Variants in SPAG16 observed in about 807,000 individuals in gnomAD.
The protein encoded by SPAG16 is sperm-associated antigen 16 protein.
SPAG16 carries 86 observed loss-of-function variants against 80.4 expected under a neutral mutation model. That is an observed-to-expected ratio of 1.07 (90% CI 0.90 to 1.28). SPAG16 has a LOEUF of 1.28. SPAG16 is among the 50% of genes most tolerant of loss of function. The pLI, the probability that SPAG16 is intolerant of heterozygous loss-of-function variation, is 0.00. For missense variants in SPAG16, 870 were observed against 765.3 expected (o/e 1.14, Z -1.61); for synonymous variants, 294 against 265.9 (o/e 1.11, Z -1.03).
chr2:214,381,273 C>T lies in SPAG16; in HGVS notation c.1721-28867C>T, dbSNP rs574267399. On this transcript the variant is annotated intron_variant, in intron 15 of 15. Transcript: ENST00000331683. ...CACATGCTAAAGCTAAATTTTCTACCGTTTCTGCATCAAATCAGATCCTTG... is the reference window on the plus strand; with the variant it reads ...CACATGCTAAAGCTAAATTTTCTACTGTTTCTGCATCAAATCAGATCCTTG... Among the ~76,000 whole-genome samples, 9 of 152,248 alleles carry T rather than the reference C, an allele frequency of 5.9e-5. No individual in the cohort carries two copies. In the South Asian group the frequency reaches 8.3e-4, roughly 14 times the overall value.
intron 14 of SPAG16, among the ~76,000 whole-genome samples, chr2:214,114,738 A>G (rs1218847972): frequency 1.3e-5 from 2 of 152,208 alleles, no homozygotes; most frequent in Non-Finnish European, 2.9e-5. Flanking sequence ...AGGAAAGGGA[A>G]ATCCCCCAAA....
chr2:214,169,472 G>T (rs2056792218), intron 15 of SPAG16, among the ~76,000 whole-genome samples: 1 of 152,030 alleles, frequency 6.6e-6, no homozygotes, highest in Non-Finnish European at 1.5e-5. Context: ...GATAATGAGG[G>T]TGGGGACTCT....
chr2:213,633,244 A>C (rs1166418559), intron 10 of SPAG16, among the ~76,000 whole-genome samples: 1 of 152,074 alleles, frequency 6.6e-6, no homozygotes, highest in Non-Finnish European at 1.5e-5. Context: ...AGATTTTCCA[A>C]TATGTTGGCA....
At chr2:213,977,437 C>T (rs968578217) in intron 12 of SPAG16, among the ~76,000 whole-genome samples, 1 of 151,504 alleles carries the variant, frequency 6.6e-6, no homozygotes, top group Non-Finnish European at 1.5e-5. Flanking sequence ...AGGTTACTGC[C>T]CCCCCCATAC....
At chr2:214,333,142 A>G (rs1392797808) in intron 15 of SPAG16, among the ~76,000 whole-genome samples, 6 of 152,196 alleles carry the variant, frequency 3.9e-5, no homozygotes. Context: ...CAAGGGAATC[A>G]TGCCTTTCCT....
At chr2:214,217,553 T>G (rs2058463249) in intron 15 of SPAG16, among the ~76,000 whole-genome samples, 28 of 152,230 alleles carry the variant, frequency 1.8e-4, no homozygotes, top group Admixed American at 1.8e-3. Flanking sequence ...TATGAAAGTT[T>G]ATCCCACCAC....
chr2:213,823,645 T>C (rs1437676693), intron 10 of SPAG16, among the ~76,000 whole-genome samples: 1 of 152,086 alleles, frequency 6.6e-6, no homozygotes, highest in Admixed American at 6.5e-5. Context: ...CAGGTGTGAG[T>C]CACCACACCA....
chr2:213,717,322 C>A (rs1215006553), intron 10 of SPAG16, among the ~76,000 whole-genome samples: 6 of 151,924 alleles, frequency 3.9e-5, no homozygotes, highest in African/African-American at 1.5e-4. Flanking sequence ...CCAAGCCTGG[C>A]TAATTTTTGT....
chr2:213,965,090 G>T (rs2044642203), intron 12 of SPAG16, among the ~76,000 whole-genome samples: 3 of 152,132 alleles, frequency 2.0e-5, no homozygotes, highest in African/African-American at 7.2e-5. Flanking sequence ...GGACTTGTTT[G>T]TTTATTTGTT....
intron 15 of SPAG16, among the ~76,000 whole-genome samples, chr2:214,291,629 AACCAGTCT>A (rs1693813606): frequency 6.6e-6 from 1 of 152,146 alleles, no homozygotes; most frequent in Admixed American, 6.5e-5. Flanking sequence ...TTATCCATTC[AACCAGTCT>A]ATGTCTTTTA....
chr2:213,836,352 G>C (rs1277630764), intron 10 of SPAG16, among the ~76,000 whole-genome samples: 4 of 151,970 alleles, frequency 2.6e-5, no homozygotes, highest in Non-Finnish European at 5.9e-5. Context: ...ATATGCTTTA[G>C]TGGAAATTTT....
In SPAG16 at chr2:214,006,922, A is replaced by G. The variant is rs552795807; in HGVS notation, c.1401-7029A>G. Among the ~76,000 whole-genome samples, 18 of 152,306 alleles carry G rather than the reference A, an allele frequency of 1.2e-4. No homozygotes were observed. In the East Asian group the frequency reaches 2.9e-3, roughly 24 times the overall value. ...TTTCGGAAACTATGTGAGCTGTAAT[A>G]TATCATTGAAGAATTGCTCCTTCCC... is the stretch of plus-strand genomic sequence containing the variant. On this transcript the variant is annotated intron_variant, in intron 12 of 15. Transcript: ENST00000331683.
chr2:214,005,749 T>C (rs2047000681), intron 12 of SPAG16, among the ~76,000 whole-genome samples: 1 of 152,234 alleles, frequency 6.6e-6, no homozygotes, highest in Non-Finnish European at 1.5e-5. Context: ...AAAAGTATTC[T>C]TGACTTTTGA....
At chr2:213,888,091 C>T (rs1372193009) in intron 11 of SPAG16, among the ~76,000 whole-genome samples, 1 of 151,808 alleles carries the variant, frequency 6.6e-6, no homozygotes. Flanking sequence ...ACAGTGTTTA[C>T]CTTGAAGGAG....
chr2:214,025,499 G>T (rs2048082986), intron 13 of SPAG16, among the ~76,000 whole-genome samples: 1 of 151,584 alleles, frequency 6.6e-6, no homozygotes, highest in Admixed American at 6.6e-5. Flanking sequence ...TGTACTTCAA[G>T]ATAGTCTTAA....
intron 15 of SPAG16, among the ~76,000 whole-genome samples, chr2:214,407,884 A>G (rs944060860): frequency 6.6e-6 from 1 of 152,154 alleles, no homozygotes; most frequent in East Asian, 1.9e-4. Flanking sequence ...TAATAATCCA[A>G]TATACTGTAA....
chr2:214,030,159 A>T (rs968518509), intron 13 of SPAG16, among the ~76,000 whole-genome samples: 2 of 152,034 alleles, frequency 1.3e-5, no homozygotes, highest in African/African-American at 4.8e-5. Context: ...CCTAGCAACC[A>T]CTATTTTGTT....
chr2:213,855,529 T>G (rs1243544741), intron 10 of SPAG16, among the ~76,000 whole-genome samples: 1 of 152,228 alleles, frequency 6.6e-6, no homozygotes, highest in African/African-American at 2.4e-5. Flanking sequence ...GTTACTACTT[T>G]TTTTTTCTAA....
At chr2:214,244,429 A>G (rs1303044649) in intron 15 of SPAG16, among the ~76,000 whole-genome samples, 1 of 151,730 alleles carries the variant, frequency 6.6e-6, no homozygotes, top group Non-Finnish European at 1.5e-5. Flanking sequence ...GACTATGCAC[A>G]TGATTTTTAA....
Sources: gnomAD v4.1 joint callset for allele counts (sites outside exome capture counted in the v4.1 genomes callset) on GRCh38, gnomAD v4.1.1 for gene constraint, MANE v1.5 for transcripts, NCBI Gene and HGNC (gene_info 2026-07-23, HGNC 2026-07-21) for gene names.